DPYD: variants seen among roughly 807,000 people sequenced by gnomAD.
The protein encoded by DPYD is dihydropyrimidine dehydrogenase [NADP(+)].
DPYD carries 109 observed loss-of-function variants against 116.2 expected under a neutral mutation model. The ratio of observed to expected loss-of-function variants is 0.94; its 90% CI spans 0.80 to 1.10. DPYD has a LOEUF of 1.10. Ranked by LOEUF, DPYD falls within the 50% of genes least tolerant of loss-of-function variation. DPYD has a pLI of 0.00. For synonymous variants in DPYD, 440 were observed against 432.0 expected (o/e 1.02, Z -0.23); for missense variants, 1,302 against 1,254.5 (o/e 1.04, Z -0.57).
intron 1 of DPYD, among the ~76,000 whole-genome samples, chr1:97,918,221 C>T (rs1028893072): frequency 2.6e-5 from 4 of 152,034 alleles, no homozygotes; most frequent in Non-Finnish European, 5.9e-5. Context: ...ACATTTTTGT[C>T]CTTTTTCCCA....
Position 97,549,547 on chromosome 1 carries a change from G to T in DPYD, c.1524+13C>A, listed in dbSNP as rs1333594050. The T allele has an allele frequency of 6.2e-7, 1 of 1,613,378 alleles. No individual in the cohort carries two copies. Among genetic ancestry groups the T allele is most frequent in the South Asian group, 1.1e-5 (1 of 91,050 alleles). On this transcript the variant is annotated intron_variant, in intron 12 of 22. Transcript: ENST00000370192. ...TGGAAAAGAATTAAGTGGAAATGAT[G>T]GCAAATGCCTACCTGTACGTATTTG...
chr1:97,627,432 G>A lies in DPYD; in HGVS notation c.851-32266C>T, dbSNP rs75158605. 5.6e-3 allele frequency among the ~76,000 whole-genome samples: 859 copies of A among 152,074 alleles called. 4 individuals carry two copies. The highest frequency in any genetic ancestry group is 0.01 in the Non-Finnish European group (691 of 67,966). ...ACCGCCTAATCCCCAGTGTTCCATT[G>A]TGCACTGAGAGCACGAGGAAGCCAG... is the stretch of plus-strand genomic sequence containing the variant. On this transcript the variant is annotated intron_variant, in intron 8 of 22. Transcript: ENST00000370192.
At chr1:97,448,616 CTT>C (rs201268158) in intron 14 of DPYD, among the ~76,000 whole-genome samples, 10 of 142,120 alleles carry the variant, frequency 7.0e-5, no homozygotes, top group Admixed American at 7.0e-5. Flanking sequence ...TATAGTTGAT[CTT>C]TTTTTTTTTT....
At chr1:97,223,412 C>T (rs1390836759) in intron 19 of DPYD, among the ~76,000 whole-genome samples, 2 of 151,386 alleles carry the variant, frequency 1.3e-5, no homozygotes, top group Non-Finnish European at 2.9e-5. Context: ...CACACACACA[C>T]ACACACAAAC....
intron 13 of DPYD, among the ~76,000 whole-genome samples, chr1:97,513,815 C>T (rs1413962425): frequency 5.9e-5 from 9 of 151,738 alleles, no homozygotes; most frequent in Non-Finnish European, 1.5e-5. Context: ...AATTTAATCA[C>T]TAATTAGGAA....
intron 20 of DPYD, among the ~76,000 whole-genome samples, chr1:97,166,865 T>G (rs530670199): frequency 6.6e-6 from 1 of 152,302 alleles, no homozygotes; most frequent in East Asian, 1.9e-4. Flanking sequence ...TATTTCAAAG[T>G]TTAAAAAAGC....
chr1:97,462,143 T>C (rs1303959864), intron 13 of DPYD, among the ~76,000 whole-genome samples: 1 of 152,194 alleles, frequency 6.6e-6, no homozygotes, highest in Non-Finnish European at 1.5e-5. Context: ...CCCTGAGAAT[T>C]CTAGATTTCA....
chr1:97,172,156 C>T (rs897603610), intron 20 of DPYD, among the ~76,000 whole-genome samples: 4 of 152,262 alleles, frequency 2.6e-5, no homozygotes, highest in African/African-American at 7.2e-5. Context: ...CTGTAGGCAT[C>T]GGTGATGGTG....
chr1:97,130,886 C>T (rs1653282113), intron 20 of DPYD, among the ~76,000 whole-genome samples: 1 of 143,434 alleles, frequency 7.0e-6, no homozygotes. Flanking sequence ...TTCCTTCCTT[C>T]TTTCCTCCCT....
intron 12 of DPYD, among the ~76,000 whole-genome samples, chr1:97,539,991 A>T (rs971746960): frequency 2.1e-5 from 3 of 144,866 alleles, no homozygotes; most frequent in Admixed American, 6.7e-5. Flanking sequence ...AAACAAACTC[A>T]GTTTCTCCAC....
chr1:97,699,463 T>C lies in DPYD; in HGVS notation c.568A>G (p.Ile190Val), dbSNP rs368152149. Residue 190 changes from isoleucine (I) to valine (V), a missense_variant, in exon 6 of 23, where the codon ATT (isoleucine) becomes GTT (valine). Physicochemically the swap from Ile to Val is conservative, Grantham distance 29. Transcript: ENST00000370192. Reference protein sequence around the residue: ...EKMSEAYSAKIALFGAGPASI... With the variant: ...EKMSEAYSAKVALFGAGPASI... ...GCAGGCCCAGCACCAAAAAGAGCAA[T>C]CTTTGCAGAATAGGCTTCAGACATT... The C allele has an allele frequency of 6.2e-7, 1 of 1,613,586 alleles. No individual in the cohort carries two copies. The highest frequency in any genetic ancestry group is 8.5e-7 in the Non-Finnish European group (1 of 1,179,696).
At chr1:97,736,423 T>G (rs1198085118) in intron 4 of DPYD, among the ~76,000 whole-genome samples, 4 of 151,914 alleles carry the variant, frequency 2.6e-5, no homozygotes, top group Non-Finnish European at 4.4e-5. Flanking sequence ...AAACCCTTTC[T>G]GAATAAAATT....
intron 20 of DPYD, among the ~76,000 whole-genome samples, chr1:97,153,249 G>C (rs2101723967): frequency 6.6e-6 from 1 of 152,186 alleles, no homozygotes; most frequent in South Asian, 2.1e-4. Context: ...CAGGATTTAG[G>C]TTCAGATGGG....
chr1:97,894,356 T>A (rs1175961943), intron 1 of DPYD, among the ~76,000 whole-genome samples: 1 of 151,784 alleles, frequency 6.6e-6, no homozygotes, highest in South Asian at 2.1e-4. Context: ...AAGTTAAGTC[T>A]TCAACATATG....
intron 18 of DPYD, among the ~76,000 whole-genome samples, chr1:97,241,313 A>G (rs1470719390): frequency 6.6e-6 from 1 of 151,968 alleles, no homozygotes; most frequent in Non-Finnish European, 1.5e-5. Flanking sequence ...AGGATCACTC[A>G]TTCATAGAGT....
chr1:97,529,701 CTTTT>C (rs989424948), intron 12 of DPYD, among the ~76,000 whole-genome samples: 9 of 133,022 alleles, frequency 6.8e-5, no homozygotes, highest in Non-Finnish European at 1.2e-4. Context: ...TCTTTCCTTT[CTTTT>C]TTCTTTCTTC....
At chr1:97,337,904 G>A (rs1162917521) in intron 16 of DPYD, among the ~76,000 whole-genome samples, 4 of 152,150 alleles carry the variant, frequency 2.6e-5, no homozygotes, top group African/African-American at 9.7e-5. Flanking sequence ...GCTACACAAA[G>A]AACTTGCTTT....
chr1:97,787,522 G>A (rs1473886681), intron 3 of DPYD, among the ~76,000 whole-genome samples: 1 of 152,130 alleles, frequency 6.6e-6, no homozygotes, highest in Admixed American at 6.6e-5. Flanking sequence ...CTTACCGTTA[G>A]GCAGAGAAGT....
chr1:97,298,246 A>G (rs750438208), intron 18 of DPYD, among the ~76,000 whole-genome samples: 1 of 152,142 alleles, frequency 6.6e-6, no homozygotes, highest in Admixed American at 6.5e-5. Flanking sequence ...CAAAAGCATC[A>G]TCTGGAACTT....
Sources: gnomAD v4.1 joint callset for allele counts (sites outside exome capture counted in the v4.1 genomes callset) on GRCh38, gnomAD v4.1.1 for gene constraint, MANE v1.5 for transcripts, NCBI Gene and HGNC (gene_info 2026-07-23, HGNC 2026-07-21) for gene names.